UMAD1: variants seen among roughly 807,000 people sequenced by gnomAD.
The protein encoded by UMAD1 is UBAP1-MVB12-associated (UMA)-domain containing protein 1.
A neutral mutation model predicts 6.1 loss-of-function variants in UMAD1; 8 were observed. The observed-to-expected ratio is 1.30, with a 90% CI of 0.76 to 2.35. UMAD1 has a LOEUF of 2.35. Ranked by LOEUF, UMAD1 falls within the 30% of genes most tolerant of loss-of-function variation. The pLI, the probability that UMAD1 is intolerant of heterozygous loss-of-function variation, is 0.00. For synonymous variants in UMAD1, 56 were observed against 31.4 expected (o/e 1.78, Z -2.61); for missense variants, 130 against 78.4 (o/e 1.66, Z -2.49).
At chr7:7,656,364 C>T (rs988290262) in intron 1 of UMAD1, among the ~76,000 whole-genome samples, 4 of 150,614 alleles carry the variant, frequency 2.7e-5, no homozygotes, top group Admixed American at 6.6e-5. Context: ...ATGTACAGAA[C>T]GTGCAGGTTT....
intron 2 of UMAD1, among the ~76,000 whole-genome samples, chr7:7,790,134 G>A (rs184069475): frequency 6.6e-6 from 1 of 152,278 alleles, no homozygotes; most frequent in Non-Finnish European, 1.5e-5. Flanking sequence ...TCAAAGTGTT[G>A]TCCATGTACC....
At chr7:7,776,176 T>C (rs1266929326) in intron 2 of UMAD1, among the ~76,000 whole-genome samples, 1 of 152,020 alleles carries the variant, frequency 6.6e-6, no homozygotes, top group Admixed American at 6.6e-5. Context: ...ACAAGACATA[T>C]GGAACCAGGC....
At chr7:7,871,645 A>G (rs1264491997) in intron 3 of UMAD1, among the ~76,000 whole-genome samples, 1 of 152,250 alleles carries the variant, frequency 6.6e-6, no homozygotes, top group African/African-American at 2.4e-5. Context: ...CATCATCTTC[A>G]TCTTTTGTCC....
At chr7:7,871,167 C>T (rs530648391) in intron 3 of UMAD1, among the ~76,000 whole-genome samples, 1 of 152,168 alleles carries the variant, frequency 6.6e-6, no homozygotes, top group African/African-American at 2.4e-5. Context: ...TTCAGCCTGT[C>T]TGTAAGATCT....
chr7:7,869,554 A>G (rs1784298944), intron 3 of UMAD1, among the ~76,000 whole-genome samples: 2 of 152,208 alleles, frequency 1.3e-5, no homozygotes, highest in East Asian at 3.8e-4. Flanking sequence ...CTAAATTTTA[A>G]TGCATCAATA....
chr7:7,847,913 A>G (rs546203480), intron 3 of UMAD1, among the ~76,000 whole-genome samples: 4 of 152,106 alleles, frequency 2.6e-5, no homozygotes, highest in African/African-American at 9.7e-5. Context: ...TCTCAAAGCC[A>G]CTTGGTTTTT....
At chr7:7,857,496 A>G (rs1784040575) in intron 3 of UMAD1, among the ~76,000 whole-genome samples, 1 of 152,232 alleles carries the variant, frequency 6.6e-6, no homozygotes, top group African/African-American at 2.4e-5. Flanking sequence ...AGTTGAATGC[A>G]GTCAGTCCCT....
intron 1 of UMAD1, among the ~76,000 whole-genome samples, chr7:7,653,930 C>G (rs148037249): frequency 6.6e-6 from 1 of 152,186 alleles, no homozygotes; most frequent in East Asian, 1.9e-4. Context: ...ATTACCTGAT[C>G]CCAAATGCTT....
At chr7:7,718,106 A>G (rs1780963372) in intron 2 of UMAD1, among the ~76,000 whole-genome samples, 2 of 152,214 alleles carry the variant, frequency 1.3e-5, no homozygotes, top group Admixed American at 1.3e-4. Flanking sequence ...GTTGTATAAT[A>G]AGTTATAAAT....
intron 2 of UMAD1, among the ~76,000 whole-genome samples, chr7:7,752,818 A>G (rs1269205232): frequency 6.6e-6 from 1 of 152,072 alleles, no homozygotes; most frequent in African/African-American, 2.4e-5. Flanking sequence ...GCTATTTAAA[A>G]TTTGTAATTT....
At chr7:7,822,942 C>T (rs1462560408) in intron 3 of UMAD1, among the ~76,000 whole-genome samples, 1 of 151,678 alleles carries the variant, frequency 6.6e-6, no homozygotes, top group African/African-American at 2.4e-5. Context: ...TTTTTATGGG[C>T]TGTTTGCTTT....
intron 2 of UMAD1, among the ~76,000 whole-genome samples, chr7:7,683,879 T>C (rs1779975027): frequency 6.6e-6 from 1 of 152,210 alleles, no homozygotes; most frequent in Admixed American, 6.5e-5. Context: ...TGCCTTGGCC[T>C]CCCAAACAGC....
intron 3 of UMAD1, among the ~76,000 whole-genome samples, chr7:7,842,121 A>G (rs1308681628): frequency 1.3e-5 from 2 of 152,214 alleles, no homozygotes; most frequent in Non-Finnish European, 2.9e-5. Flanking sequence ...CATTTTTGAT[A>G]CTTTCAGCAA....
intron 2 of UMAD1, among the ~76,000 whole-genome samples, chr7:7,779,768 T>C (rs4725026): frequency 0.52 from 79,519 of 151,902 alleles, 20,941 homozygotes; most frequent in African/African-American, 0.59. Context: ...CCTCAGCCTC[T>C]AGAATAGCTG....
chr7:7,762,533 C>T (rs1338359992), intron 2 of UMAD1, among the ~76,000 whole-genome samples: 2 of 152,132 alleles, frequency 1.3e-5, no homozygotes, highest in East Asian at 3.9e-4. Context: ...GATTGTGTGA[C>T]TGCTTTGTGC....
intron 3 of UMAD1, among the ~76,000 whole-genome samples, chr7:7,825,156 G>A (rs930991474): frequency 1.3e-5 from 2 of 152,042 alleles, no homozygotes; most frequent in Non-Finnish European, 2.9e-5. Flanking sequence ...GGGCGCAGGG[G>A]GGAGTGTAAT....
chr7:7,861,319 T>G (rs1784111856), intron 3 of UMAD1, among the ~76,000 whole-genome samples: 1 of 152,230 alleles, frequency 6.6e-6, no homozygotes, highest in Admixed American at 6.5e-5. Flanking sequence ...GCTCTGAGTG[T>G]GCACCAAGAA....
chr7:7,767,034 C>T (rs1781998604), intron 2 of UMAD1, among the ~76,000 whole-genome samples: 1 of 151,824 alleles, frequency 6.6e-6, no homozygotes, highest in South Asian at 2.1e-4. Flanking sequence ...CTTTTAAGGT[C>T]CTTTCACCCA....
chr7:7,769,704 C>G (rs926239880), intron 2 of UMAD1, among the ~76,000 whole-genome samples: 2 of 152,178 alleles, frequency 1.3e-5, no homozygotes, highest in African/African-American at 4.8e-5. Context: ...GCAGCATGTC[C>G]TACGACGGAG....
Sources: allele counts gnomAD v4.1 joint callset (sites outside exome capture counted in the v4.1 genomes callset), GRCh38; gene constraint gnomAD v4.1.1; transcripts MANE v1.5; gene names NCBI Gene and HGNC (gene_info 2026-07-23, HGNC 2026-07-21).